Variants in VWF observed in about 807,000 individuals in gnomAD.
VWF encodes Factor VIII related antigen.
VWF carries 176 observed loss-of-function variants against 308.6 expected under a neutral mutation model. That is an observed-to-expected ratio of 0.57 (90% CI 0.50 to 0.65). The LOEUF is 0.65. VWF is among the 30% of genes least tolerant of loss of function. The pLI, the probability that VWF is intolerant of heterozygous loss-of-function variation, is 0.00. For missense variants in VWF, 3,146 were observed against 3,648.2 expected (o/e 0.86, Z 3.55); for synonymous variants, 1,385 against 1,443.4 (o/e 0.96, Z 0.92).
chr12:6,101,633 A>G, intron 5 of VWF, among the ~76,000 whole-genome samples: 1 of 151,998 alleles, frequency 6.6e-6, no homozygotes, highest in Non-Finnish European at 1.5e-5. Flanking sequence ...AAAATTAGCC[A>G]GGCATGGTGG....
intron 27 of VWF, 97 bp downstream of exon 27, chr12:6,021,803 T>C (rs1356319970): frequency 3.5e-6 from 5 of 1,412,050 alleles, no homozygotes; most frequent in East Asian, 2.3e-5. Flanking sequence ...TCTCAACTCA[T>C]GTGGCTAGGA....
chr12:6,048,711 C>T (rs1226131269), intron 16 of VWF, among the ~76,000 whole-genome samples: 1 of 152,190 alleles, frequency 6.6e-6, no homozygotes, highest in African/African-American at 2.4e-5. Flanking sequence ...GATCCGCCCA[C>T]CTCGGCCTCC....
intron 5 of VWF, among the ~76,000 whole-genome samples, chr12:6,107,614 G>T (rs1395010657): frequency 6.6e-6 from 1 of 152,118 alleles, no homozygotes; most frequent in Non-Finnish European, 1.5e-5. Flanking sequence ...GTAAAAATGA[G>T]AGTCATTACA....
chr12:6,036,284 C>T (rs997113395), intron 19 of VWF, 104 bp downstream of exon 19: 9 of 949,686 alleles, frequency 9.5e-6, no homozygotes, highest in Non-Finnish European at 1.5e-5. Flanking sequence ...TAACCAGGTT[C>T]CCACAGGGGG....
intron 44 of VWF, among the ~76,000 whole-genome samples, chr12:5,970,524 G>T (rs1943460640): frequency 1.3e-5 from 2 of 152,130 alleles, no homozygotes; most frequent in Non-Finnish European, 2.9e-5. Context: ...CTGGGGAGAA[G>T]AAACAAAACC....
chr12:5,983,161 T>C lies in VWF; in HGVS notation c.7070A>G (p.Asn2357Ser), dbSNP rs750296925. Reference protein sequence around the residue: ...TLTNPGECRPNFTCACRKEEC... With the variant: ...TLTNPGECRPSFTCACRKEEC... ...CACAGAGGCCTTACCGCAGGTGAAGTTGGGTCTGCACTCGCCAGGGTTGGT... is the reference window on the plus strand; with the variant it reads ...CACAGAGGCCTTACCGCAGGTGAAGCTGGGTCTGCACTCGCCAGGGTTGGT... The change falls in exon 41 of 52, where the codon AAC becomes AGC. Residue 2357 changes from asparagine to serine, a missense_variant. Transcript: ENST00000261405. 3.1e-6 allele frequency: 5 copies of C among 1,613,698 alleles called. No individual in the cohort carries two copies. In the South Asian group the frequency reaches 3.3e-5, roughly 11 times the overall value.
At chr12:6,021,849 T>C (rs376617573) in intron 27 of VWF, 51 bp downstream of exon 27, 199 of 1,613,576 alleles carry the variant, frequency 1.2e-4, no homozygotes, top group Admixed American at 1.8e-4. Context: ...AGCTGGCCCC[T>C]GGAGAAGCAA....
intron 6 of VWF, among the ~76,000 whole-genome samples, chr12:6,088,869 G>A (rs73036549): frequency 0.038 from 5,847 of 152,304 alleles, 164 homozygotes; most frequent in Non-Finnish European, 0.053. Flanking sequence ...TCCCAGTGGA[G>A]ACAGGCATTG....
At chr12:6,080,723 G>C (rs1944899559) in intron 6 of VWF, among the ~76,000 whole-genome samples, 1 of 152,214 alleles carries the variant, frequency 6.6e-6, no homozygotes, top group Non-Finnish European at 1.5e-5. Context: ...GCTTCTCTTA[G>C]CAGGTAGTTA....
intron 42 of VWF, among the ~76,000 whole-genome samples, chr12:5,980,225 AGG>A (rs1943589699): frequency 6.8e-5 from 2 of 29,596 alleles, no homozygotes; most frequent in Non-Finnish European, 1.2e-4. Context: ...GGAGGGAGGG[AGG>A]GAGGGAGGGA....
At chr12:5,992,051 C>T in intron 37 of VWF, 33 bp from the exon 38 acceptor site, 10 of 1,597,584 alleles carry the variant, frequency 6.3e-6, no homozygotes, top group Non-Finnish European at 8.6e-6. Flanking sequence ...CTTGCAAAGG[C>T]CCACACCAGC....
At chr12:6,103,427 C>CAT (rs1945199089) in intron 5 of VWF, among the ~76,000 whole-genome samples, 3 of 112,678 alleles carry the variant, frequency 2.7e-5, no homozygotes, top group African/African-American at 1.2e-4. Flanking sequence ...TGTGTGTATA[C>CAT]ACACGTGTGT....
At chr12:6,031,625 CTCACCAGACCAGAAGAT>C in intron 20 of VWF, 47 bp from the exon 21 acceptor site, 1 of 1,613,444 alleles carries the variant, frequency 6.2e-7, no homozygotes, top group Non-Finnish European at 8.5e-7. Context: ...CCCACTGGCT[CTCACCAGACCAGAAGAT>C]TGGCATCTCT....
intron 14 of VWF, among the ~76,000 whole-genome samples, chr12:6,057,311 A>ATTTTTTTTTT (rs1250165048): frequency 2.3e-5 from 3 of 129,428 alleles, no homozygotes; most frequent in Admixed American, 7.6e-5. Flanking sequence ...GGACTATGGA[A>ATTTTTTTTTT]TTTTTTTTTT....
chr12:6,120,113 A>C (rs1175035402), intron 3 of VWF, among the ~76,000 whole-genome samples: 2 of 152,200 alleles, frequency 1.3e-5, no homozygotes, highest in Non-Finnish European at 2.9e-5. Context: ...AGTGCTGGGC[A>C]CATGGAGGAC....
chr12:6,118,025 G>A (rs941524740), intron 3 of VWF, among the ~76,000 whole-genome samples: 1 of 152,182 alleles, frequency 6.6e-6, no homozygotes, highest in Non-Finnish European at 1.5e-5. Flanking sequence ...AGTGCTGGAC[G>A]GGTGGAATGG....
intron 5 of VWF, among the ~76,000 whole-genome samples, chr12:6,106,692 T>C (rs1591921965): frequency 6.6e-6 from 1 of 152,018 alleles, no homozygotes; most frequent in African/African-American, 2.4e-5. Flanking sequence ...CTGGCCAACA[T>C]GGTGAAACCC....
chr12:6,031,669 A>C, intron 20 of VWF, 91 bp from the exon 21 acceptor site: 1 of 1,599,354 alleles, frequency 6.3e-7, no homozygotes, highest in South Asian at 1.1e-5. Flanking sequence ...CAGGCCTTTG[A>C]GTACGTGTCA....
chr12:6,077,178 C>T (rs965093831), intron 6 of VWF, among the ~76,000 whole-genome samples: 4 of 152,164 alleles, frequency 2.6e-5, no homozygotes, highest in Non-Finnish European at 5.9e-5. Context: ...GGCGTGGTGG[C>T]GCATGCTTGT....
Sources: allele counts gnomAD v4.1 joint callset (sites outside exome capture counted in the v4.1 genomes callset), GRCh38; gene constraint gnomAD v4.1.1; transcripts MANE v1.5; gene names NCBI Gene and HGNC (gene_info 2026-07-23, HGNC 2026-07-21).